The following ALK variants were observed in gnomAD, a reference collection of about 807,000 sequenced individuals.
ALK encodes ALK tyrosine kinase receptor.
A neutral mutation model predicts 163.1 loss-of-function variants in ALK; 74 were observed. The observed-to-expected ratio is 0.45, with a 90% CI of 0.38 to 0.55. The LOEUF is 0.55. ALK is among the 20% of genes least tolerant of loss of function. The probability of loss-of-function intolerance (pLI) is 0.00; values close to 1 mark genes in which losing one functional copy is unlikely to be tolerated. For missense variants in ALK, 2,063 were observed against 2,105.3 expected (o/e 0.98, Z 0.39); for synonymous variants, 960 against 843.2 (o/e 1.14, Z -2.40).
intron 5 of ALK, among the ~76,000 whole-genome samples, chr2:29,346,776 G>A (rs1667961584): frequency 6.6e-6 from 1 of 152,138 alleles, no homozygotes; most frequent in East Asian, 1.9e-4. Context: ...CATTTCACTG[G>A]CTGAACCAGG....
intron 1 of ALK, among the ~76,000 whole-genome samples, chr2:29,918,130 C>T (rs1010321754): frequency 6.6e-6 from 1 of 152,194 alleles, no homozygotes; most frequent in Non-Finnish European, 1.5e-5. Context: ...TCTTCAGAGA[C>T]ACCCACTGAT....
chr2:29,631,690 G>T (rs1009291159), intron 3 of ALK, among the ~76,000 whole-genome samples: 9 of 152,248 alleles, frequency 5.9e-5, no homozygotes, highest in Non-Finnish European at 1.0e-4. Context: ...GAATGTGAAG[G>T]TTTTCTGAAA....
At chr2:29,543,208 G>C (rs1398811094) in intron 3 of ALK, among the ~76,000 whole-genome samples, 5 of 152,114 alleles carry the variant, frequency 3.3e-5, no homozygotes, top group African/African-American at 7.2e-5. Flanking sequence ...GATTATGGAA[G>C]GGTGAGGGGA....
Position 29,220,726 on chromosome 2 carries a change from G to C in ALK, c.3625C>G (p.Arg1209Gly), listed in dbSNP as rs769449619. 1 of 1,613,778 alleles carries C rather than the reference G, an allele frequency of 6.2e-7. No homozygotes were observed. Among genetic ancestry groups the C allele is most frequent in the Non-Finnish European group, 8.5e-7 (1 of 1,179,790 alleles). Residue 1209 changes from arginine to glycine, a missense_variant, in exon 23 of 29, where the codon CGA becomes GGA. Coordinates refer to ENST00000389048, the MANE Select transcript of ALK (RefSeq NM_004304.5). ...CTCACCGGGCGAGGGCGGGTCTCTC[G>C]GAGGAAGGACTTGAGGTCTCCCCCC... The part of the protein sequence containing the change: ...MAGGDLKSFL[R>G]ETRPRPSQPS...
chr2:29,878,610 G>A (rs898148503), intron 1 of ALK, among the ~76,000 whole-genome samples: 5 of 152,122 alleles, frequency 3.3e-5, no homozygotes, highest in Non-Finnish European at 1.5e-5. Context: ...CTAGTAGGTC[G>A]AGGTCACTAT....
chr2:29,743,708 C>T (rs1050148968), intron 1 of ALK, among the ~76,000 whole-genome samples: 1 of 152,230 alleles, frequency 6.6e-6, no homozygotes, highest in Non-Finnish European at 1.5e-5. Flanking sequence ...AACCACCCAA[C>T]AGATGGGGGC....
chr2:29,332,387 T>G (rs1667471563), intron 5 of ALK, among the ~76,000 whole-genome samples: 1 of 149,200 alleles, frequency 6.7e-6, no homozygotes, highest in African/African-American at 2.5e-5. Flanking sequence ...ATCCACACCT[T>G]ATGTCCCAAT....
chr2:29,650,734 T>C (rs888463985), intron 3 of ALK, among the ~76,000 whole-genome samples: 1 of 152,094 alleles, frequency 6.6e-6, no homozygotes, highest in African/African-American at 2.4e-5. Flanking sequence ...AGAGCTTAAA[T>C]GTTTGCTACC....
At chr2:29,682,799 T>A (rs1054852093) in intron 3 of ALK, among the ~76,000 whole-genome samples, 9 of 152,100 alleles carry the variant, frequency 5.9e-5, no homozygotes, top group Non-Finnish European at 1.0e-4. Context: ...AATTCACCAT[T>A]CTTAGCAAAA....
At chr2:29,754,747 C>T (rs139043374) in intron 1 of ALK, among the ~76,000 whole-genome samples, 10 of 152,038 alleles carry the variant, frequency 6.6e-5, no homozygotes, top group Admixed American at 2.0e-4. Context: ...GGAATAAGGA[C>T]GGTTTTTAGG....
chr2:29,648,324 T>C lies in ALK; in HGVS notation c.952+46526A>G, dbSNP rs1676944071. 2.0e-5 allele frequency among the ~76,000 whole-genome samples: 3 copies of C among 152,182 alleles called. No individual in the cohort carries two copies. The South Asian group carries it at 6.2e-4, about 32-fold the overall frequency. On this transcript the variant is annotated intron_variant, in intron 3 of 28. Transcript: ENST00000389048. ...TTCCTAGAGCATACACTTTCTTTTTTTAAAAAATTGTGGTGAAATATACAT... is the reference window on the plus strand; with the variant it reads ...TTCCTAGAGCATACACTTTCTTTTTCTAAAAAATTGTGGTGAAATATACAT...
At chr2:29,763,898 G>A (rs1182869666) in intron 1 of ALK, among the ~76,000 whole-genome samples, 1 of 152,126 alleles carries the variant, frequency 6.6e-6, no homozygotes, top group African/African-American at 2.4e-5. Flanking sequence ...GAAAGAAACA[G>A]CCTTCTTCAG....
rs181436996 is a variant in ALK at position 29,744,450 on chromosome 2, G to T, written c.668-26753C>A. On this transcript the variant is annotated intron_variant, in intron 1 of 28. Transcript: ENST00000389048. ...CTCACAAATCTTCAGCTTGGGCAAG[G>T]CTTGGTTGGGGCAGCTTGTCTCTGG... Among the ~76,000 whole-genome samples, 164 of 152,206 alleles carry T rather than the reference G, an allele frequency of 1.1e-3. 1 individual carries two copies. Among genetic ancestry groups the T allele is most frequent in the Admixed American group, 7.4e-3 (113 of 15,292 alleles).
chr2:29,636,030 G>T (rs909808420), intron 3 of ALK, among the ~76,000 whole-genome samples: 2 of 152,218 alleles, frequency 1.3e-5, no homozygotes, highest in East Asian at 3.9e-4. Flanking sequence ...AGAATCCCAG[G>T]AAGATTCTTG....
At position 29,844,348 on chromosome 2, in the gene ALK, C is replaced by G. The variant is rs538127036; in HGVS notation, c.667+75645G>C. 2.6e-5 allele frequency among the ~76,000 whole-genome samples: 4 copies of G among 152,246 alleles called. No individual in the cohort carries two copies. The East Asian group carries it at 5.8e-4, about 22-fold the overall frequency. ...CCCCGGGGCCAGTGGGGAGCAGGTG[C>G]AGATCATGTACCTCGTGTGCCATTT... On this transcript the variant is annotated intron_variant, in intron 1 of 28. Transcript: ENST00000389048.
At chr2:29,215,249 C>T (rs1020495483) in intron 23 of ALK, among the ~76,000 whole-genome samples, 8 of 152,188 alleles carry the variant, frequency 5.3e-5, no homozygotes, top group Admixed American at 6.5e-5. Context: ...CCCAGCCAGG[C>T]GGCAGCGGTG....
At chr2:29,507,364 G>T (rs528303071) in intron 4 of ALK, among the ~76,000 whole-genome samples, 7 of 152,256 alleles carry the variant, frequency 4.6e-5, no homozygotes, top group African/African-American at 1.7e-4. Flanking sequence ...GGTTGCCTGG[G>T]GTTGGAGGTA....
chr2:29,448,931 A>C (rs1275501287), intron 4 of ALK, among the ~76,000 whole-genome samples: 3 of 152,052 alleles, frequency 2.0e-5, no homozygotes, highest in Non-Finnish European at 2.9e-5. Context: ...AAGGCAGCTG[A>C]CTCATCTCAA....
chr2:29,286,458 A>T (rs972002842), intron 9 of ALK: 1 of 152,154 alleles, frequency 6.6e-6, no homozygotes, highest in African/African-American at 2.4e-5. Flanking sequence ...AAAAATACAG[A>T]TTCCTGGTCC....
Sources: gnomAD v4.1 joint callset for allele counts (sites outside exome capture counted in the v4.1 genomes callset) on GRCh38, gnomAD v4.1.1 for gene constraint, MANE v1.5 for transcripts, NCBI Gene and HGNC (gene_info 2026-07-23, HGNC 2026-07-21) for gene names.